MXI1: variants seen among roughly 807,000 people sequenced by gnomAD.
The protein encoded by MXI1 is MAX interactor 1, dimerization protein.
Under a neutral mutation model 36.9 loss-of-function variants are expected in MXI1, and 18 were observed. The ratio of observed to expected loss-of-function variants is 0.49; its 90% CI spans 0.34 to 0.72. MXI1 has a LOEUF of 0.72. MXI1 is among the 30% of genes least tolerant of loss of function. The probability of loss-of-function intolerance (pLI) is 0.01; values close to 1 mark genes in which losing one functional copy is unlikely to be tolerated. For missense variants in MXI1, 304 were observed against 379.1 expected (o/e 0.80, Z 1.64); for synonymous variants, 160 against 146.7 (o/e 1.09, Z -0.65).
intron 1 of MXI1, among the ~76,000 whole-genome samples, chr10:110,213,301 A>T (rs947593908): frequency 6.6e-6 from 1 of 152,248 alleles, no homozygotes; most frequent in African/African-American, 2.4e-5. Flanking sequence ...ACGTTTTTGC[A>T]TGGCAGCAAT....
chr10:110,233,190 A>T (rs373883319), intron 2 of MXI1, among the ~76,000 whole-genome samples: 1 of 152,186 alleles, frequency 6.6e-6, no homozygotes, highest in Non-Finnish European at 1.5e-5. Context: ...GATTGAGGAC[A>T]CTAAAAAACA....
intron 1 of MXI1, among the ~76,000 whole-genome samples, chr10:110,225,825 G>T (rs1158781754): frequency 6.6e-6 from 1 of 152,072 alleles, no homozygotes; most frequent in Non-Finnish European, 1.5e-5. Flanking sequence ...ACCTTCCGAC[G>T]ACCTTTGCGA....
At chr10:110,220,463 C>T (rs979456377) in intron 1 of MXI1, among the ~76,000 whole-genome samples, 11 of 152,164 alleles carry the variant, frequency 7.2e-5, no homozygotes, top group African/African-American at 2.2e-4. Flanking sequence ...GCTGAGAGAA[C>T]GCAGATACAA....
Position 110,211,887 on chromosome 10 carries a change from AAAT to A in MXI1, c.274+3806_274+3808del, listed in dbSNP as rs1301708685. 5.3e-5 allele frequency among the ~76,000 whole-genome samples: 8 copies of A among 152,372 alleles called. No individual in the cohort carries two copies. In the East Asian group the frequency reaches 1.3e-3, roughly 26 times the overall value. On this transcript the variant is annotated intron_variant, in intron 1 of 5. Coordinates refer to ENST00000332674, the MANE Select transcript of MXI1 (RefSeq NM_130439.3). ...TGTGATCCTATTACCACAAATTCAG[AAAT>A]TATATGTAAATAATCTCTGACATCA...
intron 3 of MXI1, among the ~76,000 whole-genome samples, chr10:110,260,292 C>G (rs932067056): frequency 6.6e-6 from 1 of 151,962 alleles, no homozygotes; most frequent in Admixed American, 6.6e-5. Flanking sequence ...TCTAGATGAT[C>G]TTAGAAATCC....
chr10:110,226,254 C>G, intron 1 of MXI1: 1 of 1,502,078 alleles, frequency 6.7e-7, no homozygotes, highest in Non-Finnish European at 8.9e-7. Context: ...CTGCTGGAGG[C>G]TGCCGAGTTT....
intron 1 of MXI1, among the ~76,000 whole-genome samples, chr10:110,217,021 T>C (rs1854668463): frequency 6.6e-6 from 1 of 152,114 alleles, no homozygotes; most frequent in Admixed American, 6.5e-5. Flanking sequence ...GATGTTTTTT[T>C]TTTCTTTCAC....
chr10:110,232,699 T>C (rs1295850651), intron 2 of MXI1, among the ~76,000 whole-genome samples: 1 of 152,216 alleles, frequency 6.6e-6, no homozygotes, highest in Non-Finnish European at 1.5e-5. Context: ...CCAAGCAGAC[T>C]GTCTTAAATT....
intron 1 of MXI1, chr10:110,227,541 G>C: frequency 1.0e-6 from 1 of 987,114 alleles, no homozygotes; most frequent in Non-Finnish European, 1.2e-6. Flanking sequence ...GAGCGGGAGA[G>C]GGTGCTGGGA....
chr10:110,280,767 G>C (rs1857219410), intron 5 of MXI1, among the ~76,000 whole-genome samples: 1 of 151,842 alleles, frequency 6.6e-6, no homozygotes, highest in African/African-American at 2.4e-5. Context: ...TTTTACTACT[G>C]GTGATGTGAA....
At chr10:110,230,508 G>A (rs975588923) in intron 2 of MXI1, among the ~76,000 whole-genome samples, 48 of 152,134 alleles carry the variant, frequency 3.2e-4, no homozygotes, top group African/African-American at 9.4e-4. Flanking sequence ...GAGAGAGAGA[G>A]AAAAATATAT....
At chr10:110,231,923 C>T (rs982128789) in intron 2 of MXI1, among the ~76,000 whole-genome samples, 1 of 152,126 alleles carries the variant, frequency 6.6e-6, no homozygotes, top group African/African-American at 2.4e-5. Context: ...CTACCATCAT[C>T]TCTTACTTGG....
At chr10:110,226,086 G>A in intron 1 of MXI1, 1 of 1,090,810 alleles carries the variant, frequency 9.2e-7, no homozygotes. Context: ...CCGAGCCGCG[G>A]CCGAGCTGGC....
At chr10:110,249,576 C>CAA (rs11436694) in intron 3 of MXI1, among the ~76,000 whole-genome samples, 210 of 100,396 alleles carry the variant, frequency 2.1e-3, no homozygotes, top group South Asian at 4.5e-3. Flanking sequence ...AAGACTTTGT[C>CAA]AAAAAAAAAA....
In MXI1 at chr10:110,207,712, T is replaced by C; in HGVS notation, c.-97T>C. On this transcript the variant is annotated 5_prime_UTR_variant, in exon 1 of 6. Transcript: ENST00000332674. The stretch of plus-strand genomic sequence containing the variant: ...AGGCCGGCTTTTCGCCCCGGCGCCT[T>C]CTCTGCTCCAGCCGGCCGGGTCTCC... 1.2e-6 allele frequency: 1 copy of C among 855,692 alleles called. No homozygotes were observed. Among genetic ancestry groups the C allele is most frequent in the Non-Finnish European group, 1.4e-6 (1 of 699,908 alleles). 53.0% of individuals were successfully genotyped at this position (855,692 alleles called of 1,614,324 possible).
chr10:110,284,068 C>T (rs114614396), intron 5 of MXI1, among the ~76,000 whole-genome samples: 2,942 of 152,030 alleles, frequency 0.019, 50 homozygotes, highest in African/African-American at 0.033. Context: ...GCTGGGATTA[C>T]GGACGTGAGC....
intron 2 of MXI1, among the ~76,000 whole-genome samples, chr10:110,241,022 C>T (rs1290204137): frequency 6.6e-6 from 1 of 151,844 alleles, no homozygotes; most frequent in Non-Finnish European, 1.5e-5. Flanking sequence ...TCTTTGACTG[C>T]CACCAAACTA....
intron 3 of MXI1, among the ~76,000 whole-genome samples, chr10:110,266,934 A>C (rs547111452): frequency 6.6e-6 from 1 of 152,340 alleles, no homozygotes; most frequent in South Asian, 2.1e-4. Flanking sequence ...TTACAGAAAA[A>C]TATATGTTTA....
At chr10:110,214,228 G>C (rs147564674) in intron 1 of MXI1, among the ~76,000 whole-genome samples, 2 of 152,346 alleles carry the variant, frequency 1.3e-5, no homozygotes, top group African/African-American at 4.8e-5. Flanking sequence ...ACCTGAAGCA[G>C]AGCTGGTATT....
Sources: gnomAD v4.1 joint callset for allele counts (sites outside exome capture counted in the v4.1 genomes callset) on GRCh38, gnomAD v4.1.1 for gene constraint, MANE v1.5 for transcripts, NCBI Gene and HGNC (gene_info 2026-07-23, HGNC 2026-07-21) for gene names.